Variants in SVEP1 observed in about 807,000 individuals in gnomAD.
The protein encoded by SVEP1 is sushi, von Willebrand factor type A, EGF and pentraxin domain containing 1, also known as sushi, von Willebrand factor type A, EGF and pentraxin domain-containing protein 1.
SVEP1 carries 164 observed loss-of-function variants against 367.3 expected under a neutral mutation model. The observed-to-expected ratio is 0.45, with a 90% confidence interval of 0.39 to 0.51. The LOEUF (loss-of-function observed/expected upper bound fraction) is 0.51. SVEP1 is among the 20% of genes least tolerant of loss of function. The probability of loss-of-function intolerance (pLI) is 0.00; values close to 1 mark genes in which losing one functional copy is unlikely to be tolerated. For synonymous variants in SVEP1, 1,666 were observed against 1,611.6 expected (o/e 1.03, Z -0.81); for missense variants, 4,117 against 4,425.3 (o/e 0.93, Z 1.98).
intron 18 of SVEP1, 89 bp downstream of exon 18, chr9:110,465,776 G>C: frequency 4.9e-6 from 7 of 1,441,336 alleles, no homozygotes; most frequent in Non-Finnish European, 6.6e-6. Flanking sequence ...GCATAGAGTA[G>C]ATGTATGTTT....
intron 40 of SVEP1, among the ~76,000 whole-genome samples, chr9:110,391,454 T>C (rs1341669485): frequency 1.3e-5 from 2 of 152,026 alleles, no homozygotes; most frequent in African/African-American, 4.8e-5. Flanking sequence ...TATTTTTTAG[T>C]AGAGATGGAG....
intron 8 of SVEP1, among the ~76,000 whole-genome samples, chr9:110,494,561 A>C (rs1485070202): frequency 4.6e-5 from 7 of 152,230 alleles, no homozygotes; most frequent in African/African-American, 1.7e-4. Context: ...TTTTGATTGC[A>C]CTGTACATAT....
At position 110,370,030 on chromosome 9, in the gene SVEP1, C is replaced by A. The variant is rs767183785; in HGVS notation, c.10601-14G>T. 3 of 1,607,160 alleles carry A rather than the reference C, an allele frequency of 1.9e-6. No individual in the cohort carries two copies. Among genetic ancestry groups the A allele is most frequent in the South Asian group, 2.2e-5 (2 of 90,394 alleles). On this transcript the variant is annotated splice_polypyrimidine_tract_variant and intron_variant, in intron 46 of 47. Coordinates refer to ENST00000374469, the MANE Select transcript of SVEP1 (RefSeq NM_153366.4). Reference sequence around the variant, plus strand: ...ACTGGCAAACAGCTGGAATAAAAAACCCATGCATTTATTTAATTAATACTT... The same window carrying A: ...ACTGGCAAACAGCTGGAATAAAAAAACCATGCATTTATTTAATTAATACTT...
intron 1 of SVEP1, among the ~76,000 whole-genome samples, chr9:110,561,895 G>A (rs781080690): frequency 2.0e-5 from 3 of 152,152 alleles, no homozygotes; most frequent in Non-Finnish European, 4.4e-5. Context: ...AAAGAAAAAG[G>A]TTGGTTGGCC....
chr9:110,389,423 A>T (rs780679116), intron 41 of SVEP1, 101 bp downstream of exon 41: 107 of 1,416,684 alleles, frequency 7.6e-5, no homozygotes, highest in Non-Finnish European at 1.0e-4. Flanking sequence ...GAGTTGGCTT[A>T]CATTTTAATT....
chr9:110,441,950 G>A (rs948581118), intron 27 of SVEP1, among the ~76,000 whole-genome samples: 2 of 152,140 alleles, frequency 1.3e-5, no homozygotes, highest in African/African-American at 2.4e-5. Context: ...ATGGCTTTAC[G>A]TGATTTGGCC....
chr9:110,409,736 T>C (rs181748594), intron 37 of SVEP1, among the ~76,000 whole-genome samples: 10 of 152,322 alleles, frequency 6.6e-5, no homozygotes, highest in East Asian at 1.9e-4. Flanking sequence ...TATATTAACA[T>C]ATTTCTTAAA....
At chr9:110,431,136 A>C (rs184384147) in intron 32 of SVEP1, among the ~76,000 whole-genome samples, 1 of 152,242 alleles carries the variant, frequency 6.6e-6, no homozygotes, top group Non-Finnish European at 1.5e-5. Context: ...AAACAGCCAG[A>C]GGTAAGCATA....
intron 30 of SVEP1, among the ~76,000 whole-genome samples, 153 bp downstream of exon 30, chr9:110,434,183 C>T (rs1828396630): frequency 6.6e-6 from 1 of 152,160 alleles, no homozygotes. Flanking sequence ...TCATGATGCC[C>T]AGCACAGTTC....
At chr9:110,479,576 C>G in intron 13 of SVEP1, 59 bp downstream of exon 13, 1 of 1,524,820 alleles carries the variant, frequency 6.6e-7, no homozygotes. Flanking sequence ...GTAAATGACT[C>G]AGAAAGGTTA....
chr9:110,554,014 A>G (rs962425912), intron 1 of SVEP1, among the ~76,000 whole-genome samples: 2 of 152,128 alleles, frequency 1.3e-5, no homozygotes, highest in Non-Finnish European at 2.9e-5. Flanking sequence ...TGACATAGAG[A>G]CTACTTTTAC....
At chr9:110,560,294 A>G (rs1830410604) in intron 1 of SVEP1, among the ~76,000 whole-genome samples, 1 of 152,184 alleles carries the variant, frequency 6.6e-6, no homozygotes, top group African/African-American at 2.4e-5. Flanking sequence ...GTTTTTGTAA[A>G]TACAGTCTGT....
chr9:110,514,668 C>T (rs1373152656), intron 3 of SVEP1, among the ~76,000 whole-genome samples: 5 of 152,078 alleles, frequency 3.3e-5, no homozygotes, highest in African/African-American at 1.2e-4. Context: ...TCAAATACAA[C>T]ACAACACAGC....
chr9:110,457,755 G>A (rs1296023214), intron 20 of SVEP1, among the ~76,000 whole-genome samples: 1 of 152,102 alleles, frequency 6.6e-6, no homozygotes, highest in Non-Finnish European at 1.5e-5. Flanking sequence ...CTGCTTTAGG[G>A]GATCCTACAA....
At chr9:110,475,217 C>T (rs1829080973) in intron 14 of SVEP1, among the ~76,000 whole-genome samples, 1 of 152,024 alleles carries the variant, frequency 6.6e-6, no homozygotes, top group Non-Finnish European at 1.5e-5. Flanking sequence ...TGCTAAATCA[C>T]CAAAAATATT....
chr9:110,474,398 T>C lies in SVEP1; in HGVS notation c.2599+1806A>G, dbSNP rs569865257. Among the ~76,000 whole-genome samples, 9 of 152,312 alleles carry C rather than the reference T, an allele frequency of 5.9e-5. No homozygotes were observed. In the South Asian group the frequency reaches 1.0e-3, roughly 18 times the overall value. ...TCATACATTATGACCTTCCAAGGCA[T>C]GGTTATAAATGTTACACCGATCTTG... On this transcript the variant is annotated intron_variant, in intron 14 of 47. Transcript: ENST00000374469.
chr9:110,509,901 A>G (rs768294621), intron 5 of SVEP1, among the ~76,000 whole-genome samples: 2 of 152,210 alleles, frequency 1.3e-5, no homozygotes, highest in Non-Finnish European at 2.9e-5. Flanking sequence ...TAAAAGTGTG[A>G]TGCTTTGTAT....
intron 3 of SVEP1, among the ~76,000 whole-genome samples, chr9:110,541,847 CTATATATATCTATATACATAGATATCTA>C (rs1830152696): frequency 7.4e-6 from 1 of 135,750 alleles, no homozygotes; most frequent in Non-Finnish European, 1.6e-5. Context: ...ACATAGATAT[CTATATATATCTATATACATAGATATCTA>C]TATATATCTA....
At chr9:110,379,556 A>T in intron 43 of SVEP1, 39 bp from the exon 44 acceptor site, 1 of 1,601,892 alleles carries the variant, frequency 6.2e-7, no homozygotes. Flanking sequence ...TTGTGCTATT[A>T]ACACAGACTG....
Sources: gnomAD v4.1 joint callset for allele counts (sites outside exome capture counted in the v4.1 genomes callset) on GRCh38, gnomAD v4.1.1 for gene constraint, MANE v1.5 for transcripts, NCBI Gene and HGNC (gene_info 2026-07-23, HGNC 2026-07-21) for gene names.